Variants in LRRTM4 observed in about 807,000 individuals in gnomAD.
LRRTM4 encodes leucine rich repeat transmembrane neuronal 4.
In LRRTM4, 25 loss-of-function variants were observed where a neutral mutation model predicts 47.6. That is an observed-to-expected ratio of 0.53 (90% CI 0.38 to 0.73). The LOEUF (loss-of-function observed/expected upper bound fraction) is 0.73. Ranked by LOEUF, LRRTM4 falls within the 30% of genes least tolerant of loss-of-function variation. The probability of loss-of-function intolerance (pLI) is 0.00; values close to 1 mark genes in which losing one functional copy is unlikely to be tolerated. For missense variants in LRRTM4, 638 were observed against 713.4 expected (o/e 0.89, Z 1.20); for synonymous variants, 311 against 269.5 (o/e 1.15, Z -1.51).
chr2:77,494,329 C>G (rs915160225), intron 3 of LRRTM4, among the ~76,000 whole-genome samples: 4 of 151,976 alleles, frequency 2.6e-5, no homozygotes, highest in African/African-American at 9.7e-5. Flanking sequence ...GACCTTCAGG[C>G]AATCCACTCC....
chr2:77,230,977 C>T (rs1674946301), intron 3 of LRRTM4, among the ~76,000 whole-genome samples: 1 of 152,010 alleles, frequency 6.6e-6, no homozygotes, highest in Non-Finnish European at 1.5e-5. Context: ...TTAGAAAATG[C>T]TCGGTGAAGC....
intron 3 of LRRTM4, among the ~76,000 whole-genome samples, chr2:77,287,868 G>T (rs1230337921): frequency 2.0e-5 from 3 of 152,120 alleles, no homozygotes; most frequent in African/African-American, 7.2e-5. Context: ...CATAGGGTTT[G>T]GTACTATCCG....
At chr2:77,461,457 A>T (rs1188398110) in intron 3 of LRRTM4, among the ~76,000 whole-genome samples, 1 of 152,148 alleles carries the variant, frequency 6.6e-6, no homozygotes, top group South Asian at 2.1e-4. Context: ...GGAAGAGATT[A>T]AAAACTTCCA....
chr2:76,807,952 TC>T (rs1411488137), intron 3 of LRRTM4, among the ~76,000 whole-genome samples: 1 of 146,272 alleles, frequency 6.8e-6, no homozygotes, highest in East Asian at 2.4e-4. Context: ...TTTCTTTCTT[TC>T]TTTTTCTTTT....
At chr2:77,086,511 CT>C (rs1392046233) in intron 3 of LRRTM4, among the ~76,000 whole-genome samples, 1 of 132,066 alleles carries the variant, frequency 7.6e-6, no homozygotes, top group East Asian at 2.3e-4. Context: ...GAGTTTCGCT[CT>C]TTTTGCCCAG....
intron 3 of LRRTM4, among the ~76,000 whole-genome samples, chr2:76,977,091 C>T (rs1000451305): frequency 1.3e-5 from 2 of 151,554 alleles, no homozygotes; most frequent in African/African-American, 2.4e-5. Flanking sequence ...AAAACTCTTA[C>T]CTTTGAGCTA....
intron 3 of LRRTM4, among the ~76,000 whole-genome samples, chr2:77,396,315 A>T (rs1673700885): frequency 6.6e-6 from 1 of 151,844 alleles, no homozygotes; most frequent in Non-Finnish European, 1.5e-5. Context: ...CTCAACAGAC[A>T]TTGTTTATGC....
At position 77,021,137 on chromosome 2, in the gene LRRTM4, T is replaced by C. The variant is rs1678254830; in HGVS notation, c.1552-272221A>G. Among the ~76,000 whole-genome samples, 7 of 146,406 alleles carry C rather than the reference T, an allele frequency of 4.8e-5. No individual in the cohort carries two copies. In the South Asian group the frequency reaches 1.5e-3, roughly 32 times the overall value. On this transcript the variant is annotated intron_variant, in intron 3 of 3. Transcript: ENST00000409884. ...ATCTATCTATCTATCTATCTAGCCTTATCTATCTATTGCCTTATCTATATG... is the reference window on the plus strand; with the variant it reads ...ATCTATCTATCTATCTATCTAGCCTCATCTATCTATTGCCTTATCTATATG...
chr2:77,515,368 C>T (rs987462536), intron 3 of LRRTM4, among the ~76,000 whole-genome samples: 7 of 151,640 alleles, frequency 4.6e-5, no homozygotes, highest in Non-Finnish European at 1.0e-4. Flanking sequence ...GGCTCACAAA[C>T]GCCAATCTAA....
chr2:77,312,247 A>T (rs1178816515), intron 3 of LRRTM4, among the ~76,000 whole-genome samples: 1 of 151,072 alleles, frequency 6.6e-6, no homozygotes, highest in Non-Finnish European at 1.5e-5. Context: ...GGTGTCACTT[A>T]AATCTTTCTA....
chr2:77,068,999 T>C (rs1190736066), intron 3 of LRRTM4, among the ~76,000 whole-genome samples: 1 of 152,190 alleles, frequency 6.6e-6, no homozygotes, highest in Non-Finnish European at 1.5e-5. Flanking sequence ...CCCACCCCTT[T>C]ATTTGGGCCC....
intron 3 of LRRTM4, among the ~76,000 whole-genome samples, chr2:76,974,325 G>C (rs1255596734): frequency 6.7e-6 from 1 of 148,426 alleles, no homozygotes; most frequent in African/African-American, 2.5e-5. Context: ...CAGAATTTAA[G>C]CCTATTTTGG....
intron 3 of LRRTM4, among the ~76,000 whole-genome samples, chr2:77,453,459 C>T (rs568751676): frequency 9.6e-4 from 146 of 152,152 alleles, no homozygotes; most frequent in African/African-American, 3.4e-3. Flanking sequence ...GGATTACAGG[C>T]GTGAGCTACA....
chr2:76,749,518 C>G (rs1480423779), intron 3 of LRRTM4, among the ~76,000 whole-genome samples: 1 of 152,000 alleles, frequency 6.6e-6, no homozygotes, highest in African/African-American at 2.4e-5. Context: ...AATTCTAACA[C>G]TCTATCACAT....
At chr2:77,270,115 C>T (rs1214901407) in intron 3 of LRRTM4, among the ~76,000 whole-genome samples, 2 of 152,218 alleles carry the variant, frequency 1.3e-5, no homozygotes, top group East Asian at 1.9e-4. Context: ...AGCACTTATA[C>T]ATCTACATCC....
At chr2:77,499,851 T>C (rs1036832132) in intron 3 of LRRTM4, among the ~76,000 whole-genome samples, 3 of 151,856 alleles carry the variant, frequency 2.0e-5, no homozygotes, top group Non-Finnish European at 4.4e-5. Flanking sequence ...CTAGGCTTGA[T>C]TAAATGCAAC....
At chr2:77,395,051 T>A (rs901097912) in intron 3 of LRRTM4, among the ~76,000 whole-genome samples, 17 of 151,844 alleles carry the variant, frequency 1.1e-4, no homozygotes, top group Non-Finnish European at 1.5e-5. Context: ...AGTGTAAGGG[T>A]GTGTGAATTA....
intron 3 of LRRTM4, among the ~76,000 whole-genome samples, chr2:76,755,563 G>A (rs548420001): frequency 2.0e-5 from 3 of 152,194 alleles, no homozygotes; most frequent in African/African-American, 4.8e-5. Context: ...CATATCGTTC[G>A]ATGCAGCTAT....
chr2:77,209,438 A>C (rs1674231326), intron 3 of LRRTM4, among the ~76,000 whole-genome samples: 2 of 152,060 alleles, frequency 1.3e-5, no homozygotes, highest in African/African-American at 2.4e-5. Flanking sequence ...AAAAAAAAAA[A>C]ACAAAAAACC....
Sources: allele counts gnomAD v4.1 joint callset (sites outside exome capture counted in the v4.1 genomes callset), GRCh38; gene constraint gnomAD v4.1.1; transcripts MANE v1.5; gene names NCBI Gene and HGNC (gene_info 2026-07-23, HGNC 2026-07-21).